The following SLIT3 variants were observed in gnomAD, a reference collection of about 807,000 sequenced individuals.
SLIT3 encodes the protein slit guidance ligand 3.
SLIT3 carries 68 observed loss-of-function variants against 184.0 expected under a neutral mutation model. The ratio of observed to expected loss-of-function variants is 0.37; its 90% CI spans 0.30 to 0.45. The LOEUF (loss-of-function observed/expected upper bound fraction) is 0.45. Ranked by LOEUF, SLIT3 falls within the 20% of genes least tolerant of loss-of-function variation. The pLI, the probability that SLIT3 is intolerant of heterozygous loss-of-function variation, is 1.00. For synonymous variants in SLIT3, 831 were observed against 828.6 expected (o/e 1.00, Z -0.05); for missense variants, 1,707 against 2,026.0 (o/e 0.84, Z 3.02).
intron 4 of SLIT3, among the ~76,000 whole-genome samples, chr5:169,094,448 G>T (rs997471755): frequency 5.3e-5 from 8 of 152,228 alleles, no homozygotes; most frequent in Non-Finnish European, 1.2e-4. Flanking sequence ...GGCCAACAGA[G>T]TGAAACCCCG....
At chr5:168,835,159 C>A (rs1758008868) in intron 6 of SLIT3, among the ~76,000 whole-genome samples, 1 of 152,046 alleles carries the variant, frequency 6.6e-6, no homozygotes, top group African/African-American at 2.4e-5. Flanking sequence ...CACAGGCGGG[C>A]CCAGGGTTGG....
chr5:169,031,367 A>G (rs1031197291), intron 4 of SLIT3, among the ~76,000 whole-genome samples: 2 of 152,194 alleles, frequency 1.3e-5, no homozygotes, highest in African/African-American at 4.8e-5. Context: ...TTTCACCTCT[A>G]CCCTCATAGA....
intron 4 of SLIT3, among the ~76,000 whole-genome samples, chr5:168,907,977 T>TAG (rs1306645535): frequency 8.7e-4 from 54 of 62,230 alleles, no homozygotes; most frequent in Admixed American, 3.2e-3. Context: ...TATATATATA[T>TAG]ATAGAGAGAG....
At chr5:168,815,286 T>C (rs541647415) in intron 8 of SLIT3, among the ~76,000 whole-genome samples, 3 of 152,316 alleles carry the variant, frequency 2.0e-5, no homozygotes, top group Non-Finnish European at 4.4e-5. Flanking sequence ...CTTTCTCCCC[T>C]GGTTTTGGAT....
intron 4 of SLIT3, among the ~76,000 whole-genome samples, chr5:168,919,989 T>C (rs76190219): frequency 0.11 from 17,384 of 152,128 alleles, 1,282 homozygotes; most frequent in Non-Finnish European, 0.16. Context: ...GATATAGTAC[T>C]AAGTTATTTA....
intron 4 of SLIT3, among the ~76,000 whole-genome samples, chr5:169,186,788 A>T (rs905659820): frequency 6.6e-6 from 1 of 152,136 alleles, no homozygotes; most frequent in African/African-American, 2.4e-5. Flanking sequence ...TCAGAGGAGG[A>T]CTCAGCCCTG....
At chr5:168,798,223 C>CTTTTTTTTTTTTTTTTTTTTTTTTTTTTT (rs747746239) in intron 9 of SLIT3, among the ~76,000 whole-genome samples, 6 of 109,058 alleles carry the variant, frequency 5.5e-5, no homozygotes, top group African/African-American at 2.7e-4. Context: ...TCTTCTTCTT[C>CTTTTTTTTTTTTTTTTTTTTTTTTTTTTT]TTTTTTTTTT....
At position 168,894,040 on chromosome 5, in the gene SLIT3, C is replaced by T. The variant is rs149944899; in HGVS notation, c.414-10704G>A. On this transcript the variant is annotated intron_variant, in intron 4 of 35. Coordinates refer to ENST00000519560, the MANE Select transcript of SLIT3 (RefSeq NM_003062.4). ...GCTGATTGATTCAACCTCTTTTCTA[C>T]ATCCTCTTATCTTTTCCTGAAAAAG... 5.6e-3 allele frequency among the ~76,000 whole-genome samples: 853 copies of T among 152,336 alleles called. 2 individuals are homozygous for T. The highest frequency in any genetic ancestry group is 9.8e-3 in the Non-Finnish European group (669 of 68,020).
intron 4 of SLIT3, among the ~76,000 whole-genome samples, chr5:169,152,214 C>T (rs1762138519): frequency 6.6e-6 from 1 of 152,178 alleles, no homozygotes; most frequent in South Asian, 2.1e-4. Flanking sequence ...AAAACCACAG[C>T]ACACACAAAT....
intron 3 of SLIT3, among the ~76,000 whole-genome samples, chr5:169,238,299 G>A (rs1038594189): frequency 1.3e-5 from 2 of 151,944 alleles, no homozygotes; most frequent in Admixed American, 1.3e-4. Context: ...TCAGACTTAT[G>A]TTGTACTCTT....
intron 1 of SLIT3, among the ~76,000 whole-genome samples, chr5:169,279,142 G>A (rs966645067): frequency 6.6e-6 from 1 of 152,164 alleles, no homozygotes; most frequent in Non-Finnish European, 1.5e-5. Context: ...AAATATCAAA[G>A]TCCCGTGAAA....
At chr5:169,156,895 C>G (rs942400689) in intron 4 of SLIT3, among the ~76,000 whole-genome samples, 5 of 152,174 alleles carry the variant, frequency 3.3e-5, no homozygotes, top group Admixed American at 2.6e-4. Flanking sequence ...GACTTGGGAC[C>G]TCAGGAATGA....
At chr5:169,000,511 GAAC>G (rs1327702203) in intron 4 of SLIT3, among the ~76,000 whole-genome samples, 1 of 150,168 alleles carries the variant, frequency 6.7e-6, no homozygotes, top group Non-Finnish European at 1.5e-5. Flanking sequence ...TCAAAGAGAA[GAAC>G]AATAAAAAAC....
At chr5:168,941,664 T>C (rs1005545859) in intron 4 of SLIT3, among the ~76,000 whole-genome samples, 2 of 152,172 alleles carry the variant, frequency 1.3e-5, no homozygotes, top group Non-Finnish European at 2.9e-5. Flanking sequence ...GAAATTAAAC[T>C]CTGCACCTTA....
intron 3 of SLIT3, among the ~76,000 whole-genome samples, chr5:169,203,543 G>C (rs955701140): frequency 2.0e-5 from 3 of 152,156 alleles, no homozygotes; most frequent in African/African-American, 7.2e-5. Flanking sequence ...CAAGAAAGCA[G>C]ACAACTCCCC....
rs1765391891 is a variant in SLIT3 at position 169,241,139 on chromosome 5, G to A, written c.341+3566C>T. 2.6e-5 allele frequency among the ~76,000 whole-genome samples: 4 copies of A among 152,138 alleles called. No individual in the cohort carries two copies. The South Asian group carries it at 8.3e-4, about 32-fold the overall frequency. ...TCTCAAAGAATATCCCACTTACAAA[G>A]TGTGTTTGTTTCCTCTTGGTTTAAC... On this transcript the variant is annotated intron_variant, in intron 3 of 35. Transcript: ENST00000519560.
intron 4 of SLIT3, among the ~76,000 whole-genome samples, chr5:169,089,071 A>C (rs1426859903): frequency 2.2e-5 from 3 of 136,346 alleles, no homozygotes; most frequent in Non-Finnish European, 3.1e-5. Context: ...GCTGACTCTG[A>C]TTCTCCAGTG....
At chr5:168,987,501 A>G (rs1212591413) in intron 4 of SLIT3, among the ~76,000 whole-genome samples, 1 of 152,180 alleles carries the variant, frequency 6.6e-6, no homozygotes, top group Non-Finnish European at 1.5e-5. Context: ...CAGTTTCCTC[A>G]TCTGTAAAAT....
intron 9 of SLIT3, among the ~76,000 whole-genome samples, chr5:168,797,247 G>A (rs568069041): frequency 1.4e-4 from 21 of 152,220 alleles, no homozygotes; most frequent in South Asian, 6.2e-4. Context: ...TTTTCCAGCT[G>A]AGCATAGAGT....
Sources: gnomAD v4.1 joint callset for allele counts (sites outside exome capture counted in the v4.1 genomes callset) on GRCh38, gnomAD v4.1.1 for gene constraint, MANE v1.5 for transcripts, NCBI Gene and HGNC (gene_info 2026-07-23, HGNC 2026-07-21) for gene names.